Variants in NOMO3 observed in about 807,000 individuals in gnomAD.
The protein encoded by NOMO3 is NODAL modulator 3, also known as BOS complex subunit NOMO3.
Under a neutral mutation model 69.9 loss-of-function variants are expected in NOMO3, and 15 were observed. The observed-to-expected ratio is 0.21, with a 90% CI of 0.14 to 0.33. NOMO3 has a LOEUF of 0.33. Among genes scored for constraint, NOMO3 ranks in the 10% least tolerant of loss-of-function variants. The pLI is 1.00. For synonymous variants in NOMO3, 89 were observed against 301.9 expected (o/e 0.29, Z 7.31); for missense variants, 218 against 761.0 (o/e 0.29, Z 8.39).
Position 16,255,763 on chromosome 16 carries a change from T to C in NOMO3, c.1007T>C (p.Leu336Ser), listed in dbSNP as rs781507447. 5.7e-5 allele frequency: 90 copies of C among 1,580,738 alleles called. 2 individuals are homozygous for C. The highest frequency in any genetic ancestry group is 7.2e-5 in the Non-Finnish European group (84 of 1,172,932). ...GGATTCTCCGTCACCGGGAGGGTCTTGAACGGACCCGAAGGAGATGGTGTT... is the reference window on the plus strand; with the variant it reads ...GGATTCTCCGTCACCGGGAGGGTCTCGAACGGACCCGAAGGAGATGGTGTT... ...VMGFSVTGRV[L>S]NGPEGDGVPE... Residue 336 changes from leucine (L) to serine (S), a missense_variant, in exon 10 of 31, where the codon TTG (leucine) becomes TCG (serine). Coordinates refer to ENST00000399336, the MANE Select transcript of NOMO3 (RefSeq NM_001004067.4).
intron 15 of NOMO3, among the ~76,000 whole-genome samples, chr16:16,265,637 GATATATATATATAT>G (rs1160088009): frequency 1.7e-3 from 71 of 42,374 alleles, no homozygotes; most frequent in African/African-American, 8.3e-3. Flanking sequence ...GAGTTTCTCT[GATATATATATATAT>G]ATATATATAT....
chr16:16,264,889 T>G (rs1255137289), intron 14 of NOMO3, among the ~76,000 whole-genome samples, 154 bp from the exon 15 acceptor site: 2 of 134,540 alleles, frequency 1.5e-5, no homozygotes, highest in Non-Finnish European at 1.5e-5. Context: ...ATACTGCTAG[T>G]TATAAATATA....
rs1331432744 is a variant in NOMO3 at position 16,261,146 on chromosome 16, G to A, written c.1221-356G>A. On this transcript the variant is annotated intron_variant, in intron 11 of 30. Coordinates refer to ENST00000399336, the MANE Select transcript of NOMO3 (RefSeq NM_001004067.4). ...TAGCCCACATTCTCAGTCCAAGGCC[G>A]CTCTGCTGTCAACGATCCAATTACC... The A allele has an allele frequency of 1.7e-4, 53 of 312,362 alleles. 2 individuals carry two copies. Among genetic ancestry groups the A allele is most frequent in the Middle Eastern group, 1.1e-3 (1 of 942 alleles). 19.3% of individuals were successfully genotyped at this position (312,362 alleles called of 1,614,324 possible).
intron 1 of NOMO3, among the ~76,000 whole-genome samples, chr16:16,234,194 C>T (rs2049306916): frequency 6.6e-6 from 1 of 151,734 alleles, no homozygotes. Context: ...TAGGTCTGCA[C>T]TGGGGACAGG....
At chr16:16,254,946 A>G (rs56325654) in intron 9 of NOMO3, among the ~76,000 whole-genome samples, 36,395 of 142,764 alleles carry the variant, frequency 0.25, 6,866 homozygotes, top group Non-Finnish European at 0.31. Flanking sequence ...TCTTTGAGAC[A>G]GAGTCTTGCT....
At chr16:16,268,364 C>T (rs1365471264) in intron 16 of NOMO3, among the ~76,000 whole-genome samples, 4 of 146,104 alleles carry the variant, frequency 2.7e-5, no homozygotes, top group Non-Finnish European at 4.4e-5. Flanking sequence ...CAGCAATGCA[C>T]GAGGGTTCCG....
chr16:16,254,366 G>A (rs1388629045), intron 9 of NOMO3, among the ~76,000 whole-genome samples: 3 of 143,124 alleles, frequency 2.1e-5, no homozygotes, highest in Non-Finnish European at 4.4e-5. Context: ...TATTTGTTGC[G>A]TACATATGTG....
rs1425521131 is a variant in NOMO3, at chr16:16,254,361, G to C, written c.964-1359G>C. The stretch of plus-strand genomic sequence containing the variant: ...TAGTAGGTGCCCAGCAAAAATATTT[G>C]TTGCGTACATATGTGAATTAATAAG... On this transcript the variant is annotated intron_variant, in intron 9 of 30. Transcript: ENST00000399336. Among the ~76,000 whole-genome samples, 31 of 143,384 alleles carry C rather than the reference G, an allele frequency of 2.2e-4. 2 individuals carry two copies. The highest frequency in any genetic ancestry group is 9.0e-4 in the African/African-American group (31 of 34,556). The allele number at this position is 143,384 out of a possible 152,430, so 94.1% of individuals were successfully genotyped here.
rs763737702 is a variant in NOMO3, at chr16:16,255,725, G to A, written c.969G>A (p.Val323=). 1 of 1,591,856 alleles carries A rather than the reference G, an allele frequency of 6.3e-7. No individual in the cohort carries two copies. Among genetic ancestry groups the A allele is most frequent in the Non-Finnish European group, 8.5e-7 (1 of 1,177,860 alleles). The stretch of plus-strand genomic sequence containing the variant: ...TCTTGTTCTTTGTTTTCTAGCCCGT[G>A]TTCCACGTCATGGGATTCTCCGTCA... The part of the protein sequence containing the change: ...VEHDSLKIEP[V]FHVMGFSVTG... Residue 323 remains valine, a synonymous_variant, in exon 10 of 31, where the codon GTG becomes GTA. Coordinates refer to ENST00000399336, the MANE Select transcript of NOMO3 (RefSeq NM_001004067.4).
chr16:16,263,317 G>T, intron 13 of NOMO3, 102 bp downstream of exon 13: 1 of 1,588,842 alleles, frequency 6.3e-7, no homozygotes, highest in South Asian at 1.1e-5. Context: ...GTTTGCTACT[G>T]ATCACCTGCG....
intron 1 of NOMO3, among the ~76,000 whole-genome samples, chr16:16,234,209 G>A (rs1388924298): frequency 6.6e-6 from 1 of 151,472 alleles, no homozygotes; most frequent in Non-Finnish European, 1.5e-5. Flanking sequence ...GACAGGACAC[G>A]TTCAGGGTGG....
chr16:16,255,767 C>T lies in NOMO3; in HGVS notation c.1011C>T (p.Asn337=), dbSNP rs748367585. The change falls in exon 10 of 31, where the codon AAC becomes AAT. Residue 337 remains asparagine, a synonymous_variant. Transcript: ENST00000399336. ...TCTCCGTCACCGGGAGGGTCTTGAA[C>T]GGACCCGAAGGAGATGGTGTTCCAG... ...MGFSVTGRVL[N]GPEGDGVPEA... 135 of 1,578,520 alleles carry T rather than the reference C, an allele frequency of 8.6e-5. 8 individuals carry two copies. The highest frequency in any genetic ancestry group is 7.7e-4 in the South Asian group (68 of 88,524).
At chr16:16,243,986 C>G (rs2049395400) in intron 4 of NOMO3, among the ~76,000 whole-genome samples, 1 of 144,084 alleles carries the variant, frequency 6.9e-6, no homozygotes, top group Non-Finnish European at 1.5e-5. Flanking sequence ...AGGAGGATTC[C>G]TATTATTTAA....
intron 6 of NOMO3, among the ~76,000 whole-genome samples, chr16:16,248,403 T>TC: frequency 1.3e-5 from 1 of 77,164 alleles, no homozygotes; most frequent in East Asian, 4.5e-4. Flanking sequence ...GTCTTTTTTT[T>TC]TTTTTTTTTT....
intron 1 of NOMO3, among the ~76,000 whole-genome samples, chr16:16,234,102 C>A (rs2141244062): frequency 6.6e-6 from 1 of 152,206 alleles, no homozygotes; most frequent in East Asian, 1.9e-4. Context: ...AGAGGTCAGG[C>A]ATTGAATGAA....
chr16:16,237,515 C>G (rs1209346896), intron 2 of NOMO3, among the ~76,000 whole-genome samples: 2 of 143,892 alleles, frequency 1.4e-5, no homozygotes, highest in East Asian at 2.2e-4. Flanking sequence ...GTAGTGATAA[C>G]CTCTGATAAT....
intron 6 of NOMO3, among the ~76,000 whole-genome samples, chr16:16,250,343 TA>T (rs1163271805): frequency 6.7e-5 from 8 of 119,600 alleles, no homozygotes; most frequent in South Asian, 3.1e-4. Context: ...ATATGCTCAT[TA>T]AAAAAATTGG....
chr16:16,268,730 G>A (rs2049639272), intron 16 of NOMO3, among the ~76,000 whole-genome samples: 1 of 142,466 alleles, frequency 7.0e-6, no homozygotes, highest in Non-Finnish European at 1.5e-5. Flanking sequence ...CATGGGTTCA[G>A]CAGCTGGTAG....
intron 9 of NOMO3, among the ~76,000 whole-genome samples, chr16:16,255,336 A>C (rs572366250): frequency 1.4e-5 from 2 of 141,092 alleles, no homozygotes; most frequent in East Asian, 4.6e-4. Context: ...CGGGTCATCC[A>C]AAGTGATGCC....
Sources: allele counts gnomAD v4.1 joint callset (sites outside exome capture counted in the v4.1 genomes callset), GRCh38; gene constraint gnomAD v4.1.1; transcripts MANE v1.5; gene names NCBI Gene and HGNC (gene_info 2026-07-23, HGNC 2026-07-21).